Variants in PPP2R2B observed in about 807,000 individuals in gnomAD.
PPP2R2B encodes serine/threonine-protein phosphatase 2A 55 kDa regulatory subunit B beta isoform.
In PPP2R2B, 5 loss-of-function variants were observed where a neutral mutation model predicts 46.0. The observed-to-expected ratio is 0.11, with a 90% CI of 0.06 to 0.23. The LOEUF (loss-of-function observed/expected upper bound fraction) is 0.23. PPP2R2B is among the 10% of genes least tolerant of loss of function. The pLI, the probability that PPP2R2B is intolerant of heterozygous loss-of-function variation, is 1.00. For missense variants in PPP2R2B, 367 were observed against 575.0 expected, an observed-to-expected ratio of 0.64 and a Z score of 3.70; for synonymous variants, 215 against 206.7, an observed-to-expected ratio of 1.04 and a Z score of -0.34.
chr5:147,008,048 C>T (rs538260131), intron 1 of PPP2R2B, among the ~76,000 whole-genome samples: 4 of 152,290 alleles, frequency 2.6e-5, no homozygotes, highest in Admixed American at 2.6e-4. Flanking sequence ...ATCGATTCTT[C>T]TTATTTATTG....
chr5:146,736,183 G>A (rs60713115), intron 2 of PPP2R2B, among the ~76,000 whole-genome samples: 18,917 of 152,110 alleles, frequency 0.12, 1,523 homozygotes, highest in East Asian at 0.4. Context: ...TGTGAAGAAG[G>A]ATGTGTTTGC....
chr5:147,056,378 T>C (rs896568579), upstream of PPP2R2B, among the ~76,000 whole-genome samples: 2 of 152,162 alleles, frequency 1.3e-5, no homozygotes, highest in African/African-American at 4.8e-5. Context: ...ATCATTTAGG[T>C]GAAGCCAAAA....
exon 1 of PPP2R2B, chr5:147,081,271 T>TC: frequency 4.6e-6 from 7 of 1,535,660 alleles, no homozygotes; most frequent in Non-Finnish European, 6.1e-6. Flanking sequence ...TATCATCTCG[T>TC]CAGAGAAGAG....
intron 2 of PPP2R2B, among the ~76,000 whole-genome samples, chr5:146,799,664 A>G (rs1037963716): frequency 6.6e-6 from 1 of 152,242 alleles, no homozygotes; most frequent in Non-Finnish European, 1.5e-5. Flanking sequence ...AGAGGAGATC[A>G]CCATCAAAAG....
At chr5:146,649,746 A>C (rs1218797839) in intron 6 of PPP2R2B, among the ~76,000 whole-genome samples, 1 of 152,196 alleles carries the variant, frequency 6.6e-6, no homozygotes, top group African/African-American at 2.4e-5. Flanking sequence ...CACTGCGGCC[A>C]GCCGACTTTT....
intron 1 of PPP2R2B, among the ~76,000 whole-genome samples, chr5:146,998,061 C>T (rs1754001593): frequency 6.6e-6 from 1 of 152,172 alleles, no homozygotes; most frequent in Non-Finnish European, 1.5e-5. Flanking sequence ...GCAGAGGGCT[C>T]CAGGCAAGGC....
intron 1 of PPP2R2B, among the ~76,000 whole-genome samples, chr5:146,895,941 T>C (rs1287938226): frequency 6.6e-6 from 1 of 152,034 alleles, no homozygotes; most frequent in Non-Finnish European, 1.5e-5. Context: ...GATTCTTCAA[T>C]AAGAAATTAT....
chr5:146,934,466 T>C (rs972678737), intron 1 of PPP2R2B, among the ~76,000 whole-genome samples: 12 of 151,432 alleles, frequency 7.9e-5, no homozygotes, highest in Non-Finnish European at 2.9e-5. Flanking sequence ...GTTTTTTGGC[T>C]GCATAAATGT....
In PPP2R2B at chr5:146,812,789, GTGTGTATATATATATATA is replaced by G. The variant is rs1757673795; in HGVS notation, c.70+65195_70+65212del. On this transcript the variant is annotated intron_variant, in intron 2 of 9. Coordinates refer to ENST00000394411, the MANE Select transcript of PPP2R2B (RefSeq NM_181675.4). ...ACTTAATGTGTGTGTGTGTGTATATGTGTGTATATATATATATATATATATATATATATATATATACAC... is the reference window on the plus strand; with the variant it reads ...ACTTAATGTGTGTGTGTGTGTATATGTATATATATATATATATATATACAC... 1.1e-3 allele frequency among the ~76,000 whole-genome samples: 7 copies of G among 6,416 alleles called. 1 individual carries two copies. In the East Asian group the frequency reaches 0.028, roughly 26 times the overall value. 4.2% of individuals were successfully genotyped at this position (6,416 alleles called of 152,430 possible).
At chr5:146,983,370 C>T (rs575791823) in intron 1 of PPP2R2B, among the ~76,000 whole-genome samples, 100 of 151,834 alleles carry the variant, frequency 6.6e-4, no homozygotes, top group South Asian at 2.1e-3. Flanking sequence ...TTAGTAGAGA[C>T]GGGGTTTCAC....
intron 9 of PPP2R2B, 140 bp from the exon 10 acceptor site, chr5:146,590,366 G>T (rs2150997146): frequency 3.3e-6 from 2 of 601,216 alleles, no homozygotes; most frequent in Non-Finnish European, 5.2e-6. Flanking sequence ...AGGCTCTGCA[G>T]TGTGATTATT....
At chr5:146,700,575 C>T (rs1383105854) in intron 3 of PPP2R2B, among the ~76,000 whole-genome samples, 1 of 152,122 alleles carries the variant, frequency 6.6e-6, no homozygotes, top group Non-Finnish European at 1.5e-5. Flanking sequence ...TAGTTTGTGG[C>T]CTTTTACCCC....
At chr5:146,813,141 G>A (rs1757731022) in intron 2 of PPP2R2B, among the ~76,000 whole-genome samples, 1 of 151,412 alleles carries the variant, frequency 6.6e-6, no homozygotes, top group South Asian at 2.1e-4. Flanking sequence ...TAGTGTGTGT[G>A]TGTATATATA....
chr5:146,737,427 G>T (rs1384071998), intron 2 of PPP2R2B, among the ~76,000 whole-genome samples: 1 of 150,342 alleles, frequency 6.7e-6, no homozygotes, highest in Non-Finnish European at 1.5e-5. Flanking sequence ...CAAGACTGTA[G>T]AGAGTATTTA....
intron 2 of PPP2R2B, chr5:146,706,534 A>G (rs905994684): frequency 1.4e-5 from 16 of 1,150,980 alleles, no homozygotes; most frequent in African/African-American, 7.7e-5. Context: ...GCCATGTCCT[A>G]CTTGGTCTGC....
intron 7 of PPP2R2B, among the ~76,000 whole-genome samples, chr5:146,629,630 A>G (rs1468350327): frequency 4.6e-5 from 7 of 152,072 alleles, no homozygotes; most frequent in Admixed American, 4.6e-4. Flanking sequence ...AGTGAAATGC[A>G]AGTGCTCTGC....
intron 1 of PPP2R2B, among the ~76,000 whole-genome samples, chr5:147,051,161 G>A (rs1234554798): frequency 6.6e-6 from 1 of 152,178 alleles, no homozygotes; most frequent in African/African-American, 2.4e-5. Context: ...TACTCAGAAG[G>A]AAATGTGCAG....
intron 1 of PPP2R2B, chr5:147,035,135 G>A (rs1478029396): frequency 1.3e-5 from 6 of 455,578 alleles, no homozygotes; most frequent in South Asian, 9.3e-5. Context: ...GCCTGAGACT[G>A]GGTAAATTAT....
chr5:146,863,641 T>TATCC (rs3062349), intron 2 of PPP2R2B, among the ~76,000 whole-genome samples: 9,840 of 150,552 alleles, frequency 0.065, 324 homozygotes, highest in East Asian at 0.091. Flanking sequence ...TCCATCCATC[T>TATCC]ATCCATCCAT....
Sources: allele counts gnomAD v4.1 joint callset (sites outside exome capture counted in the v4.1 genomes callset), GRCh38; gene constraint gnomAD v4.1.1; transcripts MANE v1.5; gene names NCBI Gene and HGNC (gene_info 2026-07-23, HGNC 2026-07-21).